The following CPO variants were observed in gnomAD, a reference collection of about 807,000 sequenced individuals.
CPO encodes the protein carboxypeptidase O, also known as metallocarboxypeptidase C.
A neutral mutation model predicts 41.2 loss-of-function variants in CPO; 43 were observed. The observed-to-expected ratio is 1.04, with a 90% CI of 0.82 to 1.35. The LOEUF is 1.35. CPO is among the 40% of genes most tolerant of loss of function. The pLI is 0.00. For missense variants in CPO, 408 were observed against 451.7 expected, an observed-to-expected ratio of 0.90 and a Z score of 0.88; for synonymous variants, 178 against 162.7, an observed-to-expected ratio of 1.09 and a Z score of -0.72.
At chr2:206,958,108 T>A (rs189973830) in intron 3 of CPO, among the ~76,000 whole-genome samples, 193 bp from the exon 4 acceptor site, 1 of 152,170 alleles carries the variant, frequency 6.6e-6, no homozygotes, top group African/African-American at 2.4e-5. Context: ...TCAAGGTAAC[T>A]GGCAGGAGAA....
intron 7 of CPO, among the ~76,000 whole-genome samples, chr2:206,962,933 C>T (rs1437601771): frequency 6.6e-6 from 1 of 152,208 alleles, no homozygotes; most frequent in Non-Finnish European, 1.5e-5. Flanking sequence ...TGTAAATTCT[C>T]TTGGAGCTCC....
chr2:206,947,701 C>T (rs1215035178), intron 1 of CPO, among the ~76,000 whole-genome samples: 1 of 151,982 alleles, frequency 6.6e-6, no homozygotes, highest in Non-Finnish European at 1.5e-5. Context: ...TAAAACTCAA[C>T]AACAAGAAAA....
At chr2:206,960,517 T>C (rs1693458868) in intron 5 of CPO, among the ~76,000 whole-genome samples, 1 of 152,216 alleles carries the variant, frequency 6.6e-6, no homozygotes. Context: ...ATCACTTGAA[T>C]GTAGAAAATG....
chr2:206,944,093 C>T (rs1224619494), intron 1 of CPO, among the ~76,000 whole-genome samples: 2 of 152,008 alleles, frequency 1.3e-5, no homozygotes, highest in African/African-American at 4.8e-5. Flanking sequence ...CTACCTATTA[C>T]TACTTTTGCA....
intron 1 of CPO, among the ~76,000 whole-genome samples, chr2:206,942,148 A>C (rs1474400448): frequency 6.6e-6 from 1 of 152,172 alleles, no homozygotes. Flanking sequence ...AATAGTGTGC[A>C]ACCATTAAAG....
intron 1 of CPO, 94 bp downstream of exon 1, chr2:206,939,761 T>G: frequency 2.0e-6 from 2 of 986,178 alleles, no homozygotes; most frequent in East Asian, 5.1e-5. Flanking sequence ...TGGCTTCTCC[T>G]TCCTTGCTAC....
Position 206,958,278 on chromosome 2 carries a change from T to C in CPO, c.268-23T>C, listed in dbSNP as rs771458768. The stretch of plus-strand genomic sequence containing the variant: ...ACAATAATCAGCAATTGTTTAGTAA[T>C]GGGGCATGGATATCTTCTCCAGATC... On this transcript the variant is annotated intron_variant, in intron 3 of 8. Coordinates refer to ENST00000272852, the MANE Select transcript of CPO (RefSeq NM_173077.3). 4.6e-5 allele frequency: 60 copies of C among 1,290,796 alleles called. 2 individuals carry two copies. The Middle Eastern group carries it at 1.5e-3, about 32-fold the overall frequency. 80.0% of individuals were successfully genotyped at this position (1,290,796 alleles called of 1,614,324 possible). A position where few individuals can be genotyped will look rare whatever the true frequency, so the allele number is the denominator to read the frequency against.
chr2:206,945,612 A>C (rs997004864), intron 1 of CPO, among the ~76,000 whole-genome samples: 1 of 152,170 alleles, frequency 6.6e-6, no homozygotes, highest in Non-Finnish European at 1.5e-5. Context: ...CAATTTACAG[A>C]GTTGTAGTGA....
chr2:206,958,554 T>C, intron 4 of CPO, 149 bp downstream of exon 4: 2 of 485,526 alleles, frequency 4.1e-6, no homozygotes, highest in Admixed American at 4.0e-5. Flanking sequence ...ATAAAATTAA[T>C]GAGGAACTTC....
Position 206,967,331 on chromosome 2 carries a change from C to CTATA in CPO, c.778-915_778-912dup, listed in dbSNP as rs200615925. ...GGGTATGACTTCCAGCTCTGAAATG[C>CTATA]TATATATATATATATATATAGATAT... On this transcript the variant is annotated intron_variant, in intron 7 of 8. Transcript: ENST00000272852. Among the ~76,000 whole-genome samples the CTATA allele has an allele frequency of 4.5e-3, 528 of 118,492 alleles. 6 individuals are homozygous for CTATA. Among genetic ancestry groups the CTATA allele is most frequent in the African/African-American group, 0.014 (408 of 28,642 alleles). 77.7% of individuals were successfully genotyped at this position (118,492 alleles called of 152,430 possible). A position where few individuals can be genotyped will look rare whatever the true frequency, so the allele number is the denominator to read the frequency against.
At chr2:206,959,859 G>A (rs1277043885) in intron 5 of CPO, 118 bp downstream of exon 5, 1 of 536,738 alleles carries the variant, frequency 1.9e-6, no homozygotes, top group East Asian at 2.9e-5. Flanking sequence ...GTAAAGAAAG[G>A]AACCCCATTT....
chr2:206,955,628 TTCAGGGACTCTAA>T, intron 3 of CPO, 64 bp downstream of exon 3: 1 of 922,596 alleles, frequency 1.1e-6, no homozygotes. Flanking sequence ...GTGTTTACTA[TTCAGGGACTCTAA>T]TCAGAAGTGT....
intron 5 of CPO, 120 bp downstream of exon 5, chr2:206,959,861 AC>A (rs1346377073): frequency 3.8e-6 from 2 of 531,404 alleles, no homozygotes; most frequent in African/African-American, 1.9e-5. Flanking sequence ...AAAGAAAGGA[AC>A]CCCATTTGGG....
intron 2 of CPO, among the ~76,000 whole-genome samples, chr2:206,952,970 G>A (rs1418129371): frequency 6.6e-6 from 1 of 152,102 alleles, no homozygotes. Context: ...CAGGTCTCCT[G>A]AGACTTATTC....
Position 206,949,649 on chromosome 2 carries a change from A to G in CPO, c.101A>G (p.Asp34Gly), listed in dbSNP as rs1693212502. ...GCCCAACACAGACAAGAGATTGTGG[A>G]CAAGTCAGTGAGTCCATGGAGCCTG... ...SLAQHRQEIV[D>G]KSVSPWSLET... Residue 34 changes from aspartate to glycine, a missense_variant, in exon 2 of 9, where the codon GAC becomes GGC. Asp to Gly is a moderately conservative substitution (Grantham distance 94). Coordinates refer to ENST00000272852, the MANE Select transcript of CPO (RefSeq NM_173077.3). 1.2e-6 allele frequency: 2 copies of G among 1,613,558 alleles called. No homozygotes were observed. Among genetic ancestry groups the G allele is most frequent in the Non-Finnish European group, 1.7e-6 (2 of 1,179,564 alleles).
Position 206,968,366 on chromosome 2 carries a change from C to T in CPO, c.862+19C>T, listed in dbSNP as rs371044349. 1.5e-5 allele frequency: 21 copies of T among 1,433,512 alleles called. No individual in the cohort carries two copies. The highest frequency in any genetic ancestry group is 1.8e-4 in the Middle Eastern group (1 of 5,680). The allele number at this position is 1,433,512 out of a possible 1,614,324, so 88.8% of individuals were successfully genotyped here. A position where few individuals can be genotyped will look rare whatever the true frequency, so the allele number is the denominator to read the frequency against. ...ATTTTATGTAAGTATCTTTTTTTGCCTCTTCAATAGTATCTAAGGCACAAA... is the reference window on the plus strand; with the variant it reads ...ATTTTATGTAAGTATCTTTTTTTGCTTCTTCAATAGTATCTAAGGCACAAA... On this transcript the variant is annotated intron_variant, in intron 8 of 8. Coordinates refer to ENST00000272852, the MANE Select transcript of CPO (RefSeq NM_173077.3).
intron 8 of CPO, 108 bp downstream of exon 8, chr2:206,968,455 A>G: frequency 1.4e-6 from 1 of 702,796 alleles, no homozygotes; most frequent in Non-Finnish European, 2.6e-6. Context: ...CCTGGGATCA[A>G]CAGGGAGTTG....
At position 206,968,576 on chromosome 2, in the gene CPO, C is replaced by T. The variant is rs182388339; in HGVS notation, c.862+229C>T. 9.2e-5 allele frequency among the ~76,000 whole-genome samples: 14 copies of T among 152,254 alleles called. No individual in the cohort carries two copies. The South Asian group carries it at 1.4e-3, about 16-fold the overall frequency. ...AAAGAATTAATGCGTTGGCTCAGAC[C>T]AGAACTTCTCCTGGCTTCAGTTAAA... On this transcript the variant is annotated intron_variant, in intron 8 of 8. Coordinates refer to ENST00000272852, the MANE Select transcript of CPO (RefSeq NM_173077.3).
chr2:206,962,972 C>G (rs955839517), intron 7 of CPO, among the ~76,000 whole-genome samples: 1 of 152,184 alleles, frequency 6.6e-6, no homozygotes, highest in Admixed American at 6.5e-5. Context: ...TTGAACCGTG[C>G]TTTCAAGAAC....
Sources: allele counts gnomAD v4.1 joint callset (sites outside exome capture counted in the v4.1 genomes callset), GRCh38; gene constraint gnomAD v4.1.1; transcripts MANE v1.5; gene names NCBI Gene and HGNC (gene_info 2026-07-23, HGNC 2026-07-21).